The following PAX3 variants were observed in gnomAD, a reference collection of about 807,000 sequenced individuals.
The protein encoded by PAX3 is paired box protein Pax-3.
PAX3 carries 14 observed loss-of-function variants against 51.6 expected under a neutral mutation model. The ratio of observed to expected loss-of-function variants is 0.27; its 90% confidence interval spans 0.18 to 0.42. The LOEUF (loss-of-function observed/expected upper bound fraction) is 0.42, where lower values mean the gene tolerates loss of function less well. Among genes scored for constraint, PAX3 ranks in the 10% least tolerant of loss-of-function variants. The pLI, the probability that PAX3 is intolerant of heterozygous loss-of-function variation, is 1.00. For synonymous variants in PAX3, 280 were observed against 253.4 expected (o/e 1.11, Z -1.00); for missense variants, 540 against 642.8 (o/e 0.84, Z 1.73).
intron 4 of PAX3, among the ~76,000 whole-genome samples, chr2:222,237,939 T>G (rs988097930): frequency 6.6e-6 from 1 of 152,242 alleles, no homozygotes; most frequent in African/African-American, 2.4e-5. Flanking sequence ...GAAACTCCAG[T>G]GTGATCACTG....
chr2:222,234,471 T>G (rs958806414), intron 4 of PAX3, among the ~76,000 whole-genome samples: 13 of 152,206 alleles, frequency 8.5e-5, no homozygotes, highest in African/African-American at 3.1e-4. Flanking sequence ...GTATGATTGA[T>G]AAATGTAAGC....
At chr2:222,216,351 T>C (rs1691958707) in intron 7 of PAX3, among the ~76,000 whole-genome samples, 2 of 152,246 alleles carry the variant, frequency 1.3e-5, no homozygotes, top group Admixed American at 1.3e-4. Context: ...ATATTGTTGC[T>C]GATTCCCTCA....
intron 5 of PAX3, 111 bp downstream of exon 5, chr2:222,231,967 G>A: frequency 1.1e-6 from 1 of 918,026 alleles, no homozygotes; most frequent in Non-Finnish European, 1.8e-6. Flanking sequence ...CCTAGTAAAG[G>A]GCCATTCCTA....
intron 5 of PAX3, 68 bp from the exon 6 acceptor site, chr2:222,221,455 T>A: frequency 1.4e-6 from 2 of 1,434,954 alleles, no homozygotes; most frequent in Non-Finnish European, 2.0e-6. Context: ...ATGAATTTTT[T>A]ATGCTAAAAC....
Position 222,209,402 on chromosome 2 carries a change from A to C in PAX3, c.1174-7212T>G, listed in dbSNP as rs187540977. ...TGAAAAGACCTGGTGATACTGATTT[A>C]CCTGTGATACTGATGAGTAAATGTC... is the stretch of plus-strand genomic sequence containing the variant. On this transcript the variant is annotated intron_variant, in intron 7 of 8. Transcript: ENST00000392070. 6.6e-5 allele frequency among the ~76,000 whole-genome samples: 10 copies of C among 152,236 alleles called. No individual in the cohort carries two copies. In the East Asian group the frequency reaches 7.7e-4, roughly 12 times the overall value.
At position 222,200,048 on chromosome 2, in the gene PAX3, C is replaced by T; in HGVS notation, c.*1360G>A. 2 of 207,960 alleles carry T rather than the reference C, an allele frequency of 9.6e-6. No individual in the cohort carries two copies. The highest frequency in any genetic ancestry group is 9.8e-6 in the Non-Finnish European group (1 of 101,698). 12.9% of individuals were successfully genotyped at this position (207,960 alleles called of 1,614,324 possible). A position where few individuals can be genotyped will look rare whatever the true frequency, so the allele number is the denominator to read the frequency against. On this transcript the variant is annotated 3_prime_UTR_variant, in exon 9 of 9. Transcript: ENST00000392070. ...CTAAGACCAATGCATGAACTAAATT[C>T]GGTACTATGTCTAGTCTCACTAACT...
At chr2:222,253,853 C>T (rs1693533682) in intron 4 of PAX3, among the ~76,000 whole-genome samples, 1 of 152,030 alleles carries the variant, frequency 6.6e-6, no homozygotes, top group South Asian at 2.1e-4. Flanking sequence ...GGGGCTCTCA[C>T]TATGTTGCCC....
intron 7 of PAX3, among the ~76,000 whole-genome samples, chr2:222,207,870 T>C (rs1440614198): frequency 6.6e-6 from 1 of 152,106 alleles, no homozygotes. Flanking sequence ...ACATTTAATA[T>C]GCACATTTAG....
At chr2:222,251,808 G>C (rs1365694356) in intron 4 of PAX3, among the ~76,000 whole-genome samples, 2 of 152,118 alleles carry the variant, frequency 1.3e-5, no homozygotes, top group Admixed American at 6.5e-5. Context: ...CACTCTAACT[G>C]GTGTGAGATG....
chr2:222,219,803 A>C (rs1392555991), intron 7 of PAX3, among the ~76,000 whole-genome samples: 1 of 152,178 alleles, frequency 6.6e-6, no homozygotes, highest in Non-Finnish European at 1.5e-5. Flanking sequence ...ACAAAAAAAC[A>C]AAACAAAAAA....
intron 5 of PAX3, among the ~76,000 whole-genome samples, chr2:222,225,504 G>A (rs1251158421): frequency 6.6e-6 from 1 of 152,136 alleles, no homozygotes; most frequent in African/African-American, 2.4e-5. Flanking sequence ...CAAGTTGGCG[G>A]GTGGCGGGGA....
chr2:222,207,108 T>C (rs1213822197), intron 7 of PAX3, among the ~76,000 whole-genome samples: 1 of 152,188 alleles, frequency 6.6e-6, no homozygotes, highest in Non-Finnish European at 1.5e-5. Flanking sequence ...TTAGATATAA[T>C]ATATTTTCGG....
intron 7 of PAX3, among the ~76,000 whole-genome samples, chr2:222,213,883 A>G (rs555939506): frequency 6.6e-6 from 1 of 152,202 alleles, no homozygotes; most frequent in South Asian, 2.1e-4. Context: ...GTCCCAAAAA[A>G]TTAGCTATCT....
chr2:222,268,407 C>T (rs1694129940), intron 4 of PAX3, among the ~76,000 whole-genome samples: 1 of 152,168 alleles, frequency 6.6e-6, no homozygotes, highest in African/African-American at 2.4e-5. Context: ...TCCATCCTAA[C>T]CACACTAATA....
rs1376262083 is a variant in PAX3 at position 222,297,179 on chromosome 2, C to T, written c.120G>A (p.Gln40=). 7.5e-6 allele frequency: 12 copies of T among 1,595,354 alleles called. No individual in the cohort carries two copies. The South Asian group carries it at 1.4e-4, about 18-fold the overall frequency. ...STPLGQGRVN[Q]LGGVFINGRP... is the part of the protein sequence containing the mutation. ...TGCCGTTGATAAAAACACCGCCGAG[C>T]TGGTTGACGCGGCCCTGGCCGAGGG... The change falls in exon 2 of 9, where the codon CAG becomes CAA. Residue 40 remains glutamine, a synonymous_variant. Coordinates refer to ENST00000392070, the MANE Select transcript of PAX3 (RefSeq NM_181458.4).
chr2:222,290,772 G>C (rs955694772), intron 4 of PAX3, among the ~76,000 whole-genome samples: 5 of 152,166 alleles, frequency 3.3e-5, no homozygotes, highest in African/African-American at 1.2e-4. Context: ...CCTGCTGGAG[G>C]GGGAGAAGGA....
chr2:222,286,162 T>C lies in PAX3; in HGVS notation c.586+8005A>G, dbSNP rs911109840. ...CATGTTGGCCAGGCTGGTCTCAAAC[T>C]CCTAACCTCAGGTGATCCACCTCCC... is the stretch of plus-strand genomic sequence containing the variant. On this transcript the variant is annotated intron_variant, in intron 4 of 8. Transcript: ENST00000392070. 1.1e-4 allele frequency among the ~76,000 whole-genome samples: 16 copies of C among 152,318 alleles called. No individual in the cohort carries two copies. In the Middle Eastern group the frequency reaches 0.017, roughly 162 times the overall value.
chr2:222,213,842 T>C (rs1691846417), intron 7 of PAX3, among the ~76,000 whole-genome samples: 1 of 152,168 alleles, frequency 6.6e-6, no homozygotes, highest in Non-Finnish European at 1.5e-5. Flanking sequence ...AAGACTAGCA[T>C]CAGGTAGCTT....
At chr2:222,264,767 G>T (rs1202461884) in intron 4 of PAX3, 1 of 152,132 alleles carries the variant, frequency 6.6e-6, no homozygotes, top group African/African-American at 2.4e-5. Context: ...TTCCCAAAAT[G>T]CTCCTACAAA....
Sources: allele counts gnomAD v4.1 joint callset (sites outside exome capture counted in the v4.1 genomes callset), GRCh38; gene constraint gnomAD v4.1.1; transcripts MANE v1.5; gene names NCBI Gene and HGNC (gene_info 2026-07-23, HGNC 2026-07-21).